ASCC3: variants seen among roughly 807,000 people sequenced by gnomAD.
The protein encoded by ASCC3 is ASC-1 complex subunit P200.
In ASCC3, 158 loss-of-function variants were observed where a neutral mutation model predicts 256.3. The observed-to-expected ratio is 0.62, with a 90% CI of 0.54 to 0.70. The LOEUF (loss-of-function observed/expected upper bound fraction) is 0.70. ASCC3 is among the 30% of genes least tolerant of loss of function. The pLI, the probability that ASCC3 is intolerant of heterozygous loss-of-function variation, is 0.00. For missense variants in ASCC3, 2,259 were observed against 2,626.0 expected, an observed-to-expected ratio of 0.86 and a Z score of 3.05; for synonymous variants, 948 against 883.4, an observed-to-expected ratio of 1.07 and a Z score of -1.30.
chr6:100,756,536 G>A (rs376211427), intron 10 of ASCC3, among the ~76,000 whole-genome samples: 19 of 151,990 alleles, frequency 1.3e-4, no homozygotes, highest in Middle Eastern at 3.4e-3. Flanking sequence ...AAGTCAACTG[G>A]GCTTATGGAA....
intron 4 of ASCC3, among the ~76,000 whole-genome samples, chr6:100,824,352 T>C (rs1277480259): frequency 6.6e-6 from 1 of 152,204 alleles, no homozygotes; most frequent in African/African-American, 2.4e-5. Context: ...TACTAGAGAA[T>C]TCATTAAAAG....
intron 4 of ASCC3, among the ~76,000 whole-genome samples, chr6:100,816,578 TA>T (rs1263592825): frequency 6.6e-6 from 1 of 152,060 alleles, no homozygotes; most frequent in Admixed American, 6.6e-5. Flanking sequence ...TATGCAGCCA[TA>T]AAAAAAGAAT....
intron 10 of ASCC3, among the ~76,000 whole-genome samples, chr6:100,728,772 T>C (rs192874049): frequency 5.3e-4 from 81 of 152,218 alleles, no homozygotes; most frequent in African/African-American, 1.9e-3. Flanking sequence ...ACTCTCTCCT[T>C]TGCCAAGGAG....
intron 14 of ASCC3, among the ~76,000 whole-genome samples, chr6:100,665,834 A>G (rs1457413135): frequency 2.0e-5 from 3 of 152,274 alleles, no homozygotes; most frequent in African/African-American, 7.2e-5. Context: ...AATCATCATA[A>G]AGCAAAACTA....
At chr6:100,531,080 T>C (rs1774849311) in intron 37 of ASCC3, 2 of 1,311,012 alleles carry the variant, frequency 1.5e-6, no homozygotes, top group Admixed American at 1.7e-5. Flanking sequence ...AGAACGTACA[T>C]AGTCTGTACA....
At chr6:100,717,033 T>C (rs1779117761) in intron 12 of ASCC3, among the ~76,000 whole-genome samples, 1 of 151,920 alleles carries the variant, frequency 6.6e-6, no homozygotes, top group Non-Finnish European at 1.5e-5. Context: ...CAAATATTTC[T>C]GAAAAGCAGC....
chr6:100,681,382 A>G (rs1468396202), intron 13 of ASCC3, among the ~76,000 whole-genome samples: 1 of 152,138 alleles, frequency 6.6e-6, no homozygotes, highest in Non-Finnish European at 1.5e-5. Flanking sequence ...ACTTTATCAG[A>G]GCTCTAACTT....
intron 36 of ASCC3, among the ~76,000 whole-genome samples, chr6:100,544,587 A>C (rs1167776903): frequency 6.6e-6 from 1 of 152,112 alleles, no homozygotes; most frequent in Non-Finnish European, 1.5e-5. Context: ...AACTCCTTGA[A>C]AGACAAAAAA....
chr6:100,862,034 ACT>A (rs1361287904), intron 3 of ASCC3, among the ~76,000 whole-genome samples: 1 of 152,072 alleles, frequency 6.6e-6, no homozygotes, highest in East Asian at 1.9e-4. Flanking sequence ...GAGGAAGGAC[ACT>A]CTGTATAGTT....
chr6:100,764,164 A>G (rs991717658), intron 10 of ASCC3, among the ~76,000 whole-genome samples: 5 of 152,206 alleles, frequency 3.3e-5, no homozygotes, highest in Non-Finnish European at 1.5e-5. Context: ...AAGAGCAATC[A>G]AAATTTTACT....
At chr6:100,510,633 T>C (rs1773714119) in intron 40 of ASCC3, among the ~76,000 whole-genome samples, 1 of 152,144 alleles carries the variant, frequency 6.6e-6, no homozygotes, top group Admixed American at 6.6e-5. Flanking sequence ...AAAACTCACA[T>C]AAAAAAGCAC....
intron 13 of ASCC3, 142 bp from the exon 14 acceptor site, chr6:100,679,894 AT>A: frequency 2.2e-6 from 2 of 915,120 alleles, no homozygotes; most frequent in South Asian, 1.5e-5. Flanking sequence ...ACATATCCCT[AT>A]TTTAGAACAA....
chr6:100,567,071 T>C (rs1031583800), intron 36 of ASCC3, among the ~76,000 whole-genome samples: 17 of 152,054 alleles, frequency 1.1e-4, no homozygotes, highest in South Asian at 8.3e-4. Context: ...AATAGGAAAA[T>C]TTTTATTTAA....
chr6:100,769,227 G>T (rs933795655), intron 8 of ASCC3, among the ~76,000 whole-genome samples: 1 of 152,000 alleles, frequency 6.6e-6, no homozygotes, highest in Non-Finnish European at 1.5e-5. Flanking sequence ...AGGACAGGGG[G>T]AAGAAAAGCA....
intron 4 of ASCC3, among the ~76,000 whole-genome samples, chr6:100,806,856 T>C (rs986274822): frequency 6.6e-6 from 1 of 151,962 alleles, no homozygotes; most frequent in African/African-American, 2.4e-5. Context: ...GTACTTTTTA[T>C]TGAACACATT....
At chr6:100,836,881 G>A (rs532245854) in intron 4 of ASCC3, among the ~76,000 whole-genome samples, 1 of 152,128 alleles carries the variant, frequency 6.6e-6, no homozygotes, top group South Asian at 2.1e-4. Flanking sequence ...TTTCTTTGAT[G>A]GGAGACTTTT....
At chr6:100,608,160 T>G (rs796643227) in intron 30 of ASCC3, among the ~76,000 whole-genome samples, 6 of 15,382 alleles carry the variant, frequency 3.9e-4, no homozygotes, top group Non-Finnish European at 8.8e-4. Context: ...ATATACATAT[T>G]TATATACATA....
chr6:100,878,724 C>T (rs1238576142), intron 1 of ASCC3, among the ~76,000 whole-genome samples: 1 of 152,216 alleles, frequency 6.6e-6, no homozygotes, highest in African/African-American at 2.4e-5. Context: ...GGAATTTACG[C>T]CTGCCCTCTT....
chr6:100,819,543 C>A (rs986567505), intron 4 of ASCC3, among the ~76,000 whole-genome samples: 2 of 152,102 alleles, frequency 1.3e-5, no homozygotes, highest in African/African-American at 4.8e-5. Context: ...GGGCAGCCTT[C>A]AATCTGTGGC....
Sources: allele counts gnomAD v4.1 joint callset (sites outside exome capture counted in the v4.1 genomes callset), GRCh38; gene constraint gnomAD v4.1.1; transcripts MANE v1.5; gene names NCBI Gene and HGNC (gene_info 2026-07-23, HGNC 2026-07-21).